UHRF1: variants seen among roughly 807,000 people sequenced by gnomAD.
UHRF1 encodes the protein E3 ubiquitin-protein ligase UHRF1.
UHRF1 carries 9 observed loss-of-function variants against 96.5 expected under a neutral mutation model. The observed-to-expected ratio is 0.09, with a 90% confidence interval of 0.06 to 0.16. The LOEUF is 0.16. Ranked by LOEUF, UHRF1 falls within the 10% of genes least tolerant of loss-of-function variation. The pLI, the probability that UHRF1 is intolerant of heterozygous loss-of-function variation, is 1.00. For missense variants in UHRF1, 626 were observed against 1,131.1 expected, an observed-to-expected ratio of 0.55 and a Z score of 6.40; for synonymous variants, 455 against 469.9, an observed-to-expected ratio of 0.97 and a Z score of 0.41.
At chr19:4,921,995 G>A (rs546299127) in intron 2 of UHRF1, among the ~76,000 whole-genome samples, 14 of 152,248 alleles carry the variant, frequency 9.2e-5, no homozygotes, top group South Asian at 2.1e-4. Flanking sequence ...TCGCTCTGTC[G>A]CCTAGGCTGG....
At chr19:4,948,345 A>G (rs1479686935) in intron 11 of UHRF1, among the ~76,000 whole-genome samples, 1 of 152,206 alleles carries the variant, frequency 6.6e-6, no homozygotes, top group African/African-American at 2.4e-5. Flanking sequence ...AAACCATCAT[A>G]AAGCCCAAAG....
rs1175722313 is a variant in UHRF1 at position 4,961,659 on chromosome 19, C to T, written c.*856C>T. 9 of 150,172 alleles carry T rather than the reference C, an allele frequency of 6.0e-5. No homozygotes were observed. Among genetic ancestry groups the T allele is most frequent in the Non-Finnish European group, 1.3e-4 (9 of 67,158 alleles). 9.3% of individuals were successfully genotyped at this position (150,172 alleles called of 1,614,324 possible). ...GAAAATGTCAACCAGATTCTAGAAA[C>T]TGCGGTCATCCAGTTCTTCCTGACA... is the stretch of plus-strand genomic sequence containing the variant. On this transcript the variant is annotated 3_prime_UTR_variant, in exon 17 of 17. Coordinates refer to ENST00000650932, the MANE Select transcript of UHRF1 (RefSeq NM_001048201.3).
At chr19:4,914,236 A>C (rs1261915090) in intron 2 of UHRF1, among the ~76,000 whole-genome samples, 2 of 152,046 alleles carry the variant, frequency 1.3e-5, no homozygotes, top group African/African-American at 4.8e-5. Flanking sequence ...GGCAGCAGGG[A>C]GGTTTGGACA....
chr19:4,918,985 G>T (rs1011469799), intron 2 of UHRF1, among the ~76,000 whole-genome samples: 2 of 150,564 alleles, frequency 1.3e-5, no homozygotes, highest in Admixed American at 6.6e-5. Context: ...GCTTCCCAAG[G>T]TGCTGGGATT....
chr19:4,918,722 T>TC (rs2032606511), intron 2 of UHRF1, among the ~76,000 whole-genome samples: 1 of 147,326 alleles, frequency 6.8e-6, no homozygotes, highest in East Asian at 2.0e-4. Context: ...CTGGTTTTTT[T>TC]TTTTTTTTTT....
intron 2 of UHRF1, among the ~76,000 whole-genome samples, chr19:4,918,500 C>T (rs1423662123): frequency 6.6e-6 from 1 of 151,794 alleles, no homozygotes; most frequent in African/African-American, 2.4e-5. Context: ...TCACCGCAAC[C>T]TCCACCTCCC....
chr19:4,958,583 C>T (rs934680829), intron 16 of UHRF1, among the ~76,000 whole-genome samples: 3 of 152,242 alleles, frequency 2.0e-5, no homozygotes, highest in Non-Finnish European at 4.4e-5. Context: ...GGTGTCCCCA[C>T]AATCTGTCCT....
chr19:4,907,633 G>A (rs561748544), upstream of UHRF1, among the ~76,000 whole-genome samples: 2 of 151,610 alleles, frequency 1.3e-5, no homozygotes, highest in Non-Finnish European at 1.5e-5. Flanking sequence ...GGGGCAGGGC[G>A]GGTTCTAGGA....
intron 9 of UHRF1, among the ~76,000 whole-genome samples, chr19:4,945,657 T>G (rs1599287571): frequency 1.7e-5 from 1 of 57,884 alleles, no homozygotes; most frequent in Non-Finnish European, 3.2e-5. Context: ...CGCCAGCTGG[T>G]TTTTTTTTTT....
At chr19:4,948,404 A>G (rs2145195555) in intron 11 of UHRF1, among the ~76,000 whole-genome samples, 1 of 152,326 alleles carries the variant, frequency 6.6e-6, no homozygotes, top group South Asian at 2.1e-4. Context: ...TTACATAAAT[A>G]AATCCTATAA....
chr19:4,917,224 T>C lies in UHRF1; in HGVS notation c.153+6186T>C, dbSNP rs113205805. Among the ~76,000 whole-genome samples, 862 of 151,390 alleles carry C rather than the reference T, an allele frequency of 5.7e-3. 6 individuals carry two copies. The highest frequency in any genetic ancestry group is 0.019 in the African/African-American group (781 of 41,338). ...CTCCCATCTTGACTTCCCAAAGTACTGGGTTTACAGGCATGAGCCACCACA... is the reference window on the plus strand; with the variant it reads ...CTCCCATCTTGACTTCCCAAAGTACCGGGTTTACAGGCATGAGCCACCACA... On this transcript the variant is annotated intron_variant, in intron 2 of 16. Transcript: ENST00000650932.
chr19:4,940,359 ATTTTTTT>A (rs543779456), intron 5 of UHRF1, among the ~76,000 whole-genome samples: 34 of 67,054 alleles, frequency 5.1e-4, no homozygotes, highest in African/African-American at 6.2e-4. Flanking sequence ...TGCCTTTATG[ATTTTTTT>A]TTTTTTTTTT....
chr19:4,933,234 T>G (rs1236437104), intron 5 of UHRF1, among the ~76,000 whole-genome samples: 1 of 152,126 alleles, frequency 6.6e-6, no homozygotes, highest in African/African-American at 2.4e-5. Flanking sequence ...TTTCTCATGG[T>G]GTTTTTTTTA....
chr19:4,931,288 G>A (rs773143053), intron 4 of UHRF1, among the ~76,000 whole-genome samples: 31 of 152,058 alleles, frequency 2.0e-4, no homozygotes, highest in Non-Finnish European at 3.2e-4. Flanking sequence ...GCGTCTGTCC[G>A]TGCTGCCATC....
At chr19:4,926,088 G>A (rs565237506) in intron 2 of UHRF1, among the ~76,000 whole-genome samples, 5 of 151,554 alleles carry the variant, frequency 3.3e-5, no homozygotes, top group African/African-American at 1.2e-4. Flanking sequence ...GTAGAGACAG[G>A]TTTCACCATG....
chr19:4,954,932 A>T lies in UHRF1; in HGVS notation c.2130+110A>T. The stretch of plus-strand genomic sequence containing the variant: ...TCAAGTGTACAGCTCAGTCGCACTG[A>T]GTACATTCTTGTGGTTGTGCAACCA... On this transcript the variant is annotated intron_variant, in intron 15 of 16. Coordinates refer to ENST00000650932, the MANE Select transcript of UHRF1 (RefSeq NM_001048201.3). The surrounding 1 kb of genome is among the most constrained non-coding windows in gnomAD (Gnocchi z 5.9). 7.3e-7 allele frequency: 1 copy of T among 1,364,128 alleles called. No individual in the cohort carries two copies. Among genetic ancestry groups the T allele is most frequent in the Non-Finnish European group, 1.0e-6 (1 of 985,360 alleles). The allele number at this position is 1,364,128 out of a possible 1,614,324, so 84.5% of individuals were successfully genotyped here.
chr19:4,951,143 G>A (rs938157798), intron 13 of UHRF1, 147 bp downstream of exon 13: 71 of 1,137,410 alleles, frequency 6.2e-5, no homozygotes, highest in African/African-American at 1.1e-4. Flanking sequence ...GCGGGTGCCT[G>A]TAATCCCAGC....
intron 11 of UHRF1, among the ~76,000 whole-genome samples, chr19:4,949,218 C>T (rs1478883389): frequency 6.6e-6 from 1 of 151,982 alleles, no homozygotes; most frequent in African/African-American, 2.4e-5. Context: ...TATTTGTTTC[C>T]CCTATAAAGT....
At position 4,945,911 on chromosome 19, in the gene UHRF1, G is replaced by A. The variant is rs367870537; in HGVS notation, c.1356G>A (p.Arg452=). 1 of 1,608,896 alleles carries A rather than the reference G, an allele frequency of 6.2e-7. No individual in the cohort carries two copies. The highest frequency in any genetic ancestry group is 8.5e-7 in the Non-Finnish European group (1 of 1,178,834). The change falls in exon 10 of 17, where the codon CGG becomes CGA. Residue 452 remains arginine, a synonymous_variant. Transcript: ENST00000650932. ...HRPHVAGIHG[R]SNDGAYSLVL... is the part of the protein sequence containing the mutation. The stretch of plus-strand genomic sequence containing the variant: ...CCCACGTGGCTGGCATACACGGCCG[G>A]AGCAACGACGGAGCGTACTCCCTAG...
Sources: allele counts gnomAD v4.1 joint callset (sites outside exome capture counted in the v4.1 genomes callset), GRCh38; gene constraint gnomAD v4.1.1; non-coding constraint Gnocchi (gnomAD v3.1); transcripts MANE v1.5; gene names NCBI Gene and HGNC (gene_info 2026-07-23, HGNC 2026-07-21).